AFF3: variants seen among roughly 807,000 people sequenced by gnomAD.
AFF3 encodes the protein ALF transcription elongation factor 3, also known as AF4/FMR2 family member 3.
Under a neutral mutation model 129.7 loss-of-function variants are expected in AFF3, and 32 were observed. That is an observed-to-expected ratio of 0.25 (90% CI 0.19 to 0.33). The LOEUF (loss-of-function observed/expected upper bound fraction) is 0.33. Ranked by LOEUF, AFF3 falls within the 10% of genes least tolerant of loss-of-function variation. AFF3 has a pLI of 1.00. For missense variants in AFF3, 1,373 were observed against 1,592.0 expected, an observed-to-expected ratio of 0.86 and a Z score of 2.34; for synonymous variants, 644 against 635.4, an observed-to-expected ratio of 1.01 and a Z score of -0.20.
At chr2:99,606,475 C>T (rs1284077459) in intron 13 of AFF3, among the ~76,000 whole-genome samples, 1 of 151,916 alleles carries the variant, frequency 6.6e-6, no homozygotes, top group Non-Finnish European at 1.5e-5. Flanking sequence ...CAGCACAGTG[C>T]CTGGCACATA....
At chr2:99,821,558 G>C (rs930159960) in intron 8 of AFF3, among the ~76,000 whole-genome samples, 2 of 152,154 alleles carry the variant, frequency 1.3e-5, no homozygotes, top group Admixed American at 1.3e-4. Flanking sequence ...TTGTTGGGCC[G>C]CATTCAAAGC....
At chr2:100,121,298 G>A (rs1401694293) in intron 2 of AFF3, among the ~76,000 whole-genome samples, 1 of 152,202 alleles carries the variant, frequency 6.6e-6, no homozygotes, top group Non-Finnish European at 1.5e-5. Flanking sequence ...GAATATAGTT[G>A]AACATCGGAG....
At chr2:99,808,434 C>G (rs754354503) in intron 8 of AFF3, among the ~76,000 whole-genome samples, 1 of 152,200 alleles carries the variant, frequency 6.6e-6, no homozygotes, top group African/African-American at 2.4e-5. Flanking sequence ...AGTTCTTTGG[C>G]TACCAGATGC....
intron 7 of AFF3, among the ~76,000 whole-genome samples, chr2:99,930,405 A>G (rs1352097679): frequency 6.6e-6 from 1 of 152,222 alleles, no homozygotes; most frequent in Non-Finnish European, 1.5e-5. Flanking sequence ...GAGTTCAGAC[A>G]GAACCCTGAC....
At chr2:100,004,961 CA>C (rs747232745) in intron 7 of AFF3, among the ~76,000 whole-genome samples, 22 of 151,862 alleles carry the variant, frequency 1.4e-4, no homozygotes, top group Non-Finnish European at 3.2e-4. Context: ...ATATTCAGGA[CA>C]AAAAGTTAGG....
At chr2:100,018,592 T>C (rs748492077) in intron 4 of AFF3, among the ~76,000 whole-genome samples, 3 of 152,278 alleles carry the variant, frequency 2.0e-5, no homozygotes, top group South Asian at 2.1e-4. Context: ...AGTCTTTCTA[T>C]ATAGTATAAA....
Position 99,624,696 on chromosome 2 carries a change from C to A in AFF3, c.1185-23075G>T, listed in dbSNP as rs535418663. 3.9e-5 allele frequency among the ~76,000 whole-genome samples: 6 copies of A among 152,316 alleles called. No homozygotes were observed. The South Asian group carries it at 1.0e-3, about 26-fold the overall frequency. On this transcript the variant is annotated intron_variant, in intron 13 of 24. Transcript: ENST00000672756. ...ATAGGTCAGGAATTCTCCTTAATGG[C>A]AGCAAGAAAAAGCTTCCACTTTATC...
intron 7 of AFF3, among the ~76,000 whole-genome samples, chr2:99,966,689 C>CAAAAAAAAAAAAA (rs61351679): frequency 5.4e-4 from 20 of 36,702 alleles, no homozygotes; most frequent in East Asian, 2.0e-3. Context: ...GACTCCGTCT[C>CAAAAAAAAAAAAA]AAAAAAAAAA....
At chr2:99,572,286 T>TCCCCCC (rs1383965658) in intron 18 of AFF3, among the ~76,000 whole-genome samples, 41 of 45,722 alleles carry the variant, frequency 9.0e-4, no homozygotes, top group Non-Finnish European at 1.2e-3. Flanking sequence ...CTCTTCCCCC[T>TCCCCCC]CCCACCACCC....
At chr2:100,018,867 C>T (rs1016708550) in intron 4 of AFF3, among the ~76,000 whole-genome samples, 9 of 152,124 alleles carry the variant, frequency 5.9e-5, no homozygotes, top group Non-Finnish European at 1.2e-4. Flanking sequence ...TGCTGACTCT[C>T]AGGGCTTTTC....
chr2:99,869,294 T>C (rs1460528095), intron 7 of AFF3, among the ~76,000 whole-genome samples: 2 of 152,190 alleles, frequency 1.3e-5, no homozygotes, highest in Admixed American at 1.3e-4. Flanking sequence ...CATTTATCTG[T>C]AAAGACTTTG....
intron 2 of AFF3, among the ~76,000 whole-genome samples, chr2:100,108,750 G>C (rs1018216805): frequency 5.3e-5 from 8 of 152,054 alleles, no homozygotes; most frequent in African/African-American, 1.9e-4. Context: ...TTCCATAATA[G>C]CTGATTATTG....
At chr2:99,618,970 C>T (rs1199508409) in intron 13 of AFF3, among the ~76,000 whole-genome samples, 1 of 152,144 alleles carries the variant, frequency 6.6e-6, no homozygotes, top group South Asian at 2.1e-4. Context: ...TTGTCTAGAA[C>T]TCCTGGCCTC....
At chr2:99,803,765 A>G (rs1686135442) in intron 8 of AFF3, among the ~76,000 whole-genome samples, 1 of 152,232 alleles carries the variant, frequency 6.6e-6, no homozygotes, top group Non-Finnish European at 1.5e-5. Flanking sequence ...TAAAGAACCC[A>G]GAAATAAAGC....
At chr2:99,568,132 A>G (rs953349315) in intron 19 of AFF3, among the ~76,000 whole-genome samples, 1 of 152,186 alleles carries the variant, frequency 6.6e-6, no homozygotes, top group African/African-American at 2.4e-5. Context: ...AGGTCACTGG[A>G]AATGCCTTCT....
chr2:99,742,485 C>T (rs999525508), intron 10 of AFF3, among the ~76,000 whole-genome samples: 5 of 152,138 alleles, frequency 3.3e-5, no homozygotes, highest in Non-Finnish European at 2.9e-5. Flanking sequence ...AAGAAGCATC[C>T]GTTTTTATAG....
intron 7 of AFF3, among the ~76,000 whole-genome samples, chr2:99,933,593 G>A (rs886747388): frequency 5.3e-5 from 8 of 152,024 alleles, no homozygotes; most frequent in Admixed American, 4.6e-4. Flanking sequence ...AGAACATGCA[G>A]TGTTTGGTTT....
chr2:100,012,659 C>T (rs756826808), intron 4 of AFF3, among the ~76,000 whole-genome samples: 8 of 152,204 alleles, frequency 5.3e-5, no homozygotes, highest in South Asian at 2.1e-4. Flanking sequence ...GAAAGCTTAG[C>T]CCTCTTCGTC....
rs1674089777 is a variant in AFF3 at position 99,546,859 on chromosome 2, C to A, written c.*4615G>T. The stretch of plus-strand genomic sequence containing the variant: ...CAAGCAAAGCGGCATCCCAGGGCTA[C>A]TGGTTGAACAGGAACCCTGTGGCCA... On this transcript the variant is annotated 3_prime_UTR_variant, in exon 25 of 25. Transcript: ENST00000672756. The A allele has an allele frequency of 4.6e-6, 1 of 219,082 alleles. No homozygotes were observed. Among genetic ancestry groups the A allele is most frequent in the East Asian group, 6.7e-5 (1 of 14,912 alleles). The allele number at this position is 219,082 out of a possible 1,614,324, so 13.6% of individuals were successfully genotyped here. A position where few individuals can be genotyped will look rare whatever the true frequency, so the allele number is the denominator to read the frequency against.
Sources: allele counts gnomAD v4.1 joint callset (sites outside exome capture counted in the v4.1 genomes callset), GRCh38; gene constraint gnomAD v4.1.1; transcripts MANE v1.5; gene names NCBI Gene and HGNC (gene_info 2026-07-23, HGNC 2026-07-21).